NCOR1: variants seen among roughly 807,000 people sequenced by gnomAD.
NCOR1 encodes the protein protein phosphatase 1, regulatory subunit 109.
A neutral mutation model predicts 288.1 loss-of-function variants in NCOR1; 63 were observed. The observed-to-expected ratio is 0.22, with a 90% CI of 0.18 to 0.27. The LOEUF (loss-of-function observed/expected upper bound fraction) is 0.27. NCOR1 is among the 10% of genes least tolerant of loss of function. NCOR1 has a pLI of 1.00. For synonymous variants in NCOR1, 1,007 were observed against 1,065.9 expected (o/e 0.94, Z 1.08); for missense variants, 2,397 against 3,019.2 (o/e 0.79, Z 4.83).
chr17:16,039,399 A>C (rs1276426453), intron 44 of NCOR1, 34 bp downstream of exon 44: 9 of 1,596,628 alleles, frequency 5.6e-6, no homozygotes, highest in Non-Finnish European at 7.7e-6. Context: ...TTTTGGGGAA[A>C]AGCAGCAGAA....
chr17:16,090,662 G>A (rs2065028583), intron 22 of NCOR1, among the ~76,000 whole-genome samples: 1 of 152,042 alleles, frequency 6.6e-6, no homozygotes, highest in Admixed American at 6.6e-5. Flanking sequence ...ATTCCTTGGT[G>A]GATATTATCA....
At chr17:16,135,261 C>A (rs1410226338) in intron 14 of NCOR1, among the ~76,000 whole-genome samples, 1 of 151,302 alleles carries the variant, frequency 6.6e-6, no homozygotes, top group Non-Finnish European at 1.5e-5. Flanking sequence ...CTTGATTCCA[C>A]ATTCTTTAGG....
chr17:16,062,035 A>G (rs749943700), intron 36 of NCOR1, 70 bp downstream of exon 36: 115 of 1,592,422 alleles, frequency 7.2e-5, no homozygotes, highest in Non-Finnish European at 9.3e-5. Flanking sequence ...TACTTAGACT[A>G]TTGCAGTCAC....
rs187689854 is a variant in NCOR1, at chr17:16,205,036, C to A, written c.-71+10326G>T. Among the ~76,000 whole-genome samples, 391 of 152,222 alleles carry A rather than the reference C, an allele frequency of 2.6e-3. 1 individual carries two copies. Among genetic ancestry groups the A allele is most frequent in the African/African-American group, 9.0e-3 (372 of 41,528 alleles). On this transcript the variant is annotated intron_variant, in intron 1 of 45. Transcript: ENST00000268712. ...GGGAGTTTCAGACCAGCCTGACCAA[C>A]AAGGAGAAACCCCATCTGTAGTAAA...
intron 42 of NCOR1, chr17:16,045,063 G>A (rs1014820480): frequency 1.1e-5 from 4 of 357,708 alleles, no homozygotes; most frequent in African/African-American, 8.5e-5. Context: ...AGGGGACTGA[G>A]GAAAAGACTG....
chr17:16,212,303 G>C (rs562373636), intron 1 of NCOR1, among the ~76,000 whole-genome samples: 1 of 152,024 alleles, frequency 6.6e-6, no homozygotes, highest in South Asian at 2.1e-4. Context: ...ATAATCTATA[G>C]ACTGAGTTAT....
At chr17:16,076,320 A>G (rs1277630415) in intron 26 of NCOR1, among the ~76,000 whole-genome samples, 1 of 152,254 alleles carries the variant, frequency 6.6e-6, no homozygotes, top group African/African-American at 2.4e-5. Context: ...GAGACAATTC[A>G]TAACATCAAC....
chr17:16,175,306 A>G (rs1318773188), intron 3 of NCOR1, among the ~76,000 whole-genome samples: 1 of 151,666 alleles, frequency 6.6e-6, no homozygotes, highest in Admixed American at 6.6e-5. Flanking sequence ...CAGAGGTTGC[A>G]GTGAGTCAAG....
chr17:16,075,541 T>C lies in NCOR1; in HGVS notation c.3663A>G (p.Ser1221=), dbSNP rs1598254622. Residue 1221 remains serine (S), a synonymous_variant, in exon 27 of 46, where the codon TCA becomes TCG. Transcript: ENST00000268712. ...CATACATACAATACTTACTATCATA[T>C]GACAAGATATGTCCACTTTTGCCTT... ...IYEGKSGHIL[S]YDNIKNAREG... 6.2e-7 allele frequency: 1 copy of C among 1,614,180 alleles called. No individual in the cohort carries two copies. Among genetic ancestry groups the C allele is most frequent in the Non-Finnish European group, 8.5e-7 (1 of 1,180,012 alleles).
intron 35 of NCOR1, among the ~76,000 whole-genome samples, chr17:16,063,121 T>G (rs1022949126): frequency 6.6e-6 from 1 of 152,138 alleles, no homozygotes; most frequent in Non-Finnish European, 1.5e-5. Flanking sequence ...GCCAGGCTTC[T>G]CAGCAGTTTT....
At chr17:16,138,941 A>G (rs1260650997) in intron 12 of NCOR1, 67 bp downstream of exon 12, 1 of 1,232,550 alleles carries the variant, frequency 8.1e-7, no homozygotes, top group Non-Finnish European at 1.1e-6. Context: ...ATTTACAAGT[A>G]AATGCCAAAT....
rs1326344659 is a variant in NCOR1, at chr17:16,057,905, A to G, written c.6168+2T>C. ...AACTAATAAGAATAATGAAAAACTT[A>G]CACAGATGTGATCAGCAAGTGTGAT... On this transcript the variant is annotated splice_donor_variant, in intron 39 of 45. Coordinates refer to ENST00000268712, the MANE Select transcript of NCOR1 (RefSeq NM_006311.4). LOFTEE classifies it high-confidence loss of function. 4 of 1,598,698 alleles carry G rather than the reference A, an allele frequency of 2.5e-6. No homozygotes were observed. In the Admixed American group the frequency reaches 6.9e-5, roughly 27 times the overall value.
At chr17:16,120,663 A>G (rs1475263341) in intron 16 of NCOR1, among the ~76,000 whole-genome samples, 5 of 152,126 alleles carry the variant, frequency 3.3e-5, no homozygotes, top group African/African-American at 1.2e-4. Context: ...GTGAATAAAG[A>G]TTTTTTTATT....
At chr17:16,164,836 C>A (rs1253300872) in intron 5 of NCOR1, 143 bp downstream of exon 5, 19 of 548,948 alleles carry the variant, frequency 3.5e-5, no homozygotes, top group Non-Finnish European at 5.6e-5. Context: ...AAGAAAACCA[C>A]AACAGTAGCA....
At chr17:16,154,594 C>T (rs1186730731) in intron 6 of NCOR1, among the ~76,000 whole-genome samples, 5 of 152,160 alleles carry the variant, frequency 3.3e-5, no homozygotes, top group African/African-American at 9.7e-5. Context: ...AACAAGGGAA[C>T]ATCCAAAACC....
intron 43 of NCOR1, chr17:16,040,037 G>T (rs942954590): frequency 9.9e-6 from 4 of 402,152 alleles, no homozygotes; most frequent in Non-Finnish European, 1.9e-5. Flanking sequence ...TGATCCGCCC[G>T]CCTTGGCCTC....
At chr17:16,108,427 T>C (rs1360431728) in intron 19 of NCOR1, among the ~76,000 whole-genome samples, 2 of 152,000 alleles carry the variant, frequency 1.3e-5, no homozygotes, top group East Asian at 1.9e-4. Flanking sequence ...TATAAATCTC[T>C]GTAAAAATAT....
chr17:16,200,541 G>A (rs1373260312), intron 1 of NCOR1, among the ~76,000 whole-genome samples: 1 of 141,442 alleles, frequency 7.1e-6, no homozygotes, highest in Non-Finnish European at 1.5e-5. Flanking sequence ...ATACTTCACT[G>A]TGGCAGGACT....
chr17:16,167,800 C>T (rs796354183), intron 4 of NCOR1, among the ~76,000 whole-genome samples: 1 of 131,096 alleles, frequency 7.6e-6, no homozygotes, highest in Middle Eastern at 5.1e-3. Context: ...GCGGAGGTTG[C>T]AGTGAGCATA....
Sources: gnomAD v4.1 joint callset for allele counts (sites outside exome capture counted in the v4.1 genomes callset) on GRCh38, gnomAD v4.1.1 for gene constraint, MANE v1.5 for transcripts, NCBI Gene and HGNC (gene_info 2026-07-23, HGNC 2026-07-21) for gene names.